Variants in BCOR observed in about 807,000 individuals in gnomAD.
The protein encoded by BCOR is BCL6 corepressor.
In BCOR, 10 loss-of-function variants were observed where a neutral mutation model predicts 86.7. The observed-to-expected ratio is 0.12, with a 90% confidence interval of 0.07 to 0.20. The LOEUF (loss-of-function observed/expected upper bound fraction) is 0.20, where lower values mean the gene tolerates loss of function less well. Among genes scored for constraint, BCOR ranks in the 10% least tolerant of loss-of-function variants. BCOR has a pLI of 1.00. For synonymous variants in BCOR, 611 were observed against 609.0 expected (o/e 1.00, Z -0.05); for missense variants, 1,259 against 1,452.1 (o/e 0.87, Z 2.16).
upstream of BCOR, among the ~76,000 whole-genome samples, chrX:40,098,266 C>G (rs1936989404): frequency 9.2e-6 from 1 of 109,119 alleles, no homozygotes; most frequent in Non-Finnish European, 1.9e-5. Context: ...CATCGATGCA[C>G]GGCCCGGCAC....
chrX:40,077,294 C>T (rs1004555706), intron 2 of BCOR: 10 of 142,931 alleles, frequency 7.0e-5, no homozygotes, highest in African/African-American at 2.6e-4. Flanking sequence ...CTCATTACCC[C>T]GAAGAGCAGC....
At chrX:40,157,504 CTA>C (rs1334822363) in intron 1 of BCOR, among the ~76,000 whole-genome samples, 1 of 112,571 alleles carries the variant, frequency 8.9e-6, no homozygotes, top group African/African-American at 3.2e-5. Context: ...TGCAGAAAGA[CTA>C]TTTCACCAAA....
intron 1 of BCOR, among the ~76,000 whole-genome samples, chrX:40,144,972 A>C (rs1938007641): frequency 1.0e-5 from 1 of 95,330 alleles, no homozygotes; most frequent in Admixed American, 1.1e-4. Flanking sequence ...AAATATGCCG[A>C]CCTCAACCCC....
chrX:40,073,818 C>A lies in BCOR; in HGVS notation c.1528G>T (p.Val510Leu). 1 of 1,212,369 alleles carries A rather than the reference C, an allele frequency of 8.2e-7. No homozygotes were observed. The highest frequency in any genetic ancestry group is 2.2e-5 in the Admixed American group (1 of 46,162). The change falls in exon 4 of 15, where the codon GTG (valine) becomes TTG (leucine). Residue 510 changes from valine to leucine, a missense_variant. Physicochemically the swap from Val to Leu is conservative, Grantham distance 32. Around this residue, in one of 7 missense-constraint regions of BCOR, gnomAD observed 534 missense variants for 594.8 expected, o/e 0.90. Transcript: ENST00000378444. ...TCGTTAGGACTTGGCCCGGGCACCA[C>A]CCAGGATGAGGGAGCAGTGCTGATG... ...EIISTAPSSW[V>L]VPGPSPNEEN...
chrX:40,054,351 T>TA lies in BCOR; in HGVS notation c.4742-19dup, dbSNP rs772056276. The TA allele has an allele frequency of 2.3e-5, 27 of 1,164,939 alleles. No individual in the cohort carries two copies. The Middle Eastern group carries it at 7.0e-4, about 30-fold the overall frequency. ...TAAATAATCTGGAGGGAGAGAAAAA[T>TA]AAAAAAACAAGATAAAATCTACTGC... is the stretch of plus-strand genomic sequence containing the variant. On this transcript the variant is annotated intron_variant, in intron 12 of 14. Coordinates refer to ENST00000378444, the MANE Select transcript of BCOR (RefSeq NM_001123385.2).
At chrX:40,154,068 G>A (rs1038452516) in intron 1 of BCOR, among the ~76,000 whole-genome samples, 3 of 112,053 alleles carry the variant, frequency 2.7e-5, no homozygotes, top group African/African-American at 9.7e-5. Flanking sequence ...AAAGGGAGGC[G>A]GCGGGGGAGG....
chrX:40,123,766 G>A (rs929975389), intron 1 of BCOR, among the ~76,000 whole-genome samples: 2 of 109,389 alleles, frequency 1.8e-5, no homozygotes, highest in Non-Finnish European at 3.8e-5. Context: ...GGGAGGAGAC[G>A]TGGGCTAGGG....
At chrX:40,109,209 G>C (rs1204669485) in intron 1 of BCOR, among the ~76,000 whole-genome samples, 1 of 112,359 alleles carries the variant, frequency 8.9e-6, no homozygotes, top group Non-Finnish European at 1.9e-5. Context: ...CCCGGGAACC[G>C]GGAGGGCAGG....
intron 1 of BCOR, among the ~76,000 whole-genome samples, chrX:40,140,915 T>G (rs1937909666): frequency 8.8e-6 from 1 of 113,162 alleles, no homozygotes; most frequent in African/African-American, 3.2e-5. Context: ...TTGCCCAACA[T>G]GGCCTGAAGC....
At chrX:40,109,593 C>T (rs1210752341) in intron 1 of BCOR, among the ~76,000 whole-genome samples, 2 of 111,169 alleles carry the variant, frequency 1.8e-5, no homozygotes, top group Non-Finnish European at 3.8e-5. Flanking sequence ...GCCAGGCTGC[C>T]ACCCTCCGGG....
At chrX:40,166,007 T>C in intron 1 of BCOR, among the ~76,000 whole-genome samples, 1 of 111,958 alleles carries the variant, frequency 8.9e-6, no homozygotes, top group Non-Finnish European at 1.9e-5. Flanking sequence ...AACTACTTCA[T>C]CGGATCTTTC....
intron 1 of BCOR, among the ~76,000 whole-genome samples, chrX:40,140,734 C>T (rs909327863): frequency 8.8e-6 from 1 of 113,134 alleles, no homozygotes; most frequent in South Asian, 3.6e-4. Context: ...ACTGACTATG[C>T]TGTGTTCACC....
chrX:40,127,294 G>A (rs1176230653), intron 1 of BCOR, among the ~76,000 whole-genome samples: 1 of 111,995 alleles, frequency 8.9e-6, no homozygotes, highest in Non-Finnish European at 1.9e-5. Context: ...GCCACAGGGA[G>A]AAGAGTGACA....
chrX:40,147,423 G>A (rs1938083076), intron 1 of BCOR, among the ~76,000 whole-genome samples: 1 of 112,751 alleles, frequency 8.9e-6, no homozygotes, highest in African/African-American at 3.2e-5. Flanking sequence ...CCAGAAACCC[G>A]GGGATATTTC....
intron 2 of BCOR, 43 bp downstream of exon 2, chrX:40,077,801 G>A (rs763481284): frequency 1.7e-6 from 2 of 1,144,491 alleles, no homozygotes; most frequent in East Asian, 3.0e-5. Flanking sequence ...CTTCAGCATG[G>A]GCGTGGGCTC....
At chrX:40,091,754 G>A (rs894684802) in intron 1 of BCOR, among the ~76,000 whole-genome samples, 1 of 113,109 alleles carries the variant, frequency 8.8e-6, no homozygotes, top group Non-Finnish European at 1.9e-5. Flanking sequence ...CTCCCGCCCC[G>A]GCGGCTTCTC....
At chrX:40,171,008 G>A (rs1373803877) in intron 1 of BCOR, among the ~76,000 whole-genome samples, 1 of 111,653 alleles carries the variant, frequency 9.0e-6, no homozygotes, top group African/African-American at 3.3e-5. Flanking sequence ...GGACAGAGTA[G>A]GTGTTACTGT....
At chrX:40,102,796 C>T (rs892259433), upstream of BCOR, among the ~76,000 whole-genome samples, 5 of 113,384 alleles carry the variant, frequency 4.4e-5, no homozygotes, top group South Asian at 7.1e-4. Flanking sequence ...AAGGTGGGTA[C>T]GGACCAGCAG....
intron 1 of BCOR, among the ~76,000 whole-genome samples, chrX:40,083,814 G>C (rs1406282114): frequency 8.9e-6 from 1 of 112,024 alleles, no homozygotes; most frequent in Non-Finnish European, 1.9e-5. Flanking sequence ...CAGCCTCCCC[G>C]GAGGCGGCCC....
Sources: allele counts gnomAD v4.1 joint callset (sites outside exome capture counted in the v4.1 genomes callset), GRCh38; gene constraint gnomAD v4.1.1; regional missense constraint gnomAD v4.1.1; transcripts MANE v1.5; gene names NCBI Gene and HGNC (gene_info 2026-07-23, HGNC 2026-07-21).